Variants in PCDHGA4 observed in about 807,000 individuals in gnomAD.
PCDHGA4 encodes the protein protocadherin gamma subfamily A, 4, also known as protocadherin gamma-A4.
Under a neutral mutation model 54.6 loss-of-function variants are expected in PCDHGA4, and 38 were observed. That is an observed-to-expected ratio of 0.70 (90% confidence interval 0.54 to 0.91). The LOEUF (loss-of-function observed/expected upper bound fraction) is 0.91, where lower values mean the gene tolerates loss of function less well. PCDHGA4 is among the 40% of genes least tolerant of loss of function. The probability of loss-of-function intolerance (pLI) is 0.00; values close to 1 mark genes in which losing one functional copy is unlikely to be tolerated. For synonymous variants in PCDHGA4, 511 were observed against 512.9 expected (o/e 1.00, Z 0.05); for missense variants, 1,298 against 1,220.9 (o/e 1.06, Z -0.94).
In PCDHGA4 at chr5:141,476,240, G is replaced by A. The variant is rs762604058; in HGVS notation, c.2515-18567G>A. On this transcript the variant is annotated intron_variant, in intron 1 of 3. Coordinates refer to ENST00000571252, the MANE Select transcript of PCDHGA4 (RefSeq NM_018917.4). This position sits in a 1 kb window ranked among gnomAD's most constrained non-coding sequence, Gnocchi z 7.6. ...TCACTATGAGATCCCGGAGGAAAGAGAGAAGGGTTTCGCTGTGGGCAACGT... is the reference window on the plus strand; with the variant it reads ...TCACTATGAGATCCCGGAGGAAAGAAAGAAGGGTTTCGCTGTGGGCAACGT... The A allele has an allele frequency of 4.3e-6, 7 of 1,613,986 alleles. No individual in the cohort carries two copies. The highest frequency in any genetic ancestry group is 1.7e-6 in the Non-Finnish European group (2 of 1,180,030).
At chr5:141,358,140 A>G (rs1292442005) in intron 1 of PCDHGA4, among the ~76,000 whole-genome samples, 1 of 152,232 alleles carries the variant, frequency 6.6e-6, no homozygotes. Flanking sequence ...CAATGAGCTG[A>G]GATCATGACA....
At position 141,486,218 on chromosome 5, in the gene PCDHGA4, T is replaced by A. The variant is rs1467104398; in HGVS notation, c.2515-8589T>A. The A allele has an allele frequency of 2.5e-6, 4 of 1,614,004 alleles. No homozygotes were observed. The African/African-American group carries it at 5.3e-5, about 22-fold the overall frequency. On this transcript the variant is annotated intron_variant, in intron 1 of 3. Transcript: ENST00000571252. The surrounding 1 kb of genome is among the most constrained non-coding windows in gnomAD (Gnocchi z 5.0). ...GCTGGACGTAAATGACAATGCCCCT[T>A]ACATCACAGTGACCTCAGAGCTTGG...
chr5:141,394,432 C>T (rs1561648568), intron 1 of PCDHGA4: 2 of 1,614,238 alleles, frequency 1.2e-6, no homozygotes, highest in Admixed American at 1.7e-5. Flanking sequence ...AGCGGGGACC[C>T]GCCCCTCAGC....
At chr5:141,429,647 T>C (rs1430094173) in intron 1 of PCDHGA4, among the ~76,000 whole-genome samples, 2 of 152,272 alleles carry the variant, frequency 1.3e-5, no homozygotes, top group African/African-American at 4.8e-5. Flanking sequence ...TATATATTTC[T>C]TCCCAATTTA....
intron 1 of PCDHGA4, chr5:141,371,607 G>T (rs2149987986): frequency 6.2e-6 from 10 of 1,614,022 alleles, no homozygotes; most frequent in Admixed American, 1.7e-5. Context: ...ATACAGGTTG[G>T]TGACAGATGG....
intron 2 of PCDHGA4, 76 bp from the exon 3 acceptor site, chr5:141,505,317 G>T: frequency 6.2e-7 from 1 of 1,603,092 alleles, no homozygotes. Flanking sequence ...AGGTTTGGGA[G>T]CCCTGGGAGA....
intron 1 of PCDHGA4, chr5:141,405,433 T>G (rs539486666): frequency 2.0e-6 from 3 of 1,471,752 alleles, no homozygotes; most frequent in Admixed American, 3.9e-5. Flanking sequence ...TTTTGTTTTG[T>G]TTTTGAGACA....
intron 1 of PCDHGA4, chr5:141,404,970 C>G: frequency 6.2e-7 from 1 of 1,614,058 alleles, no homozygotes; most frequent in East Asian, 2.2e-5. Context: ...GACATCCTGG[C>G]TGACCTGGGC....
At chr5:141,365,909 G>A in intron 1 of PCDHGA4, 1 of 1,614,190 alleles carries the variant, frequency 6.2e-7, no homozygotes. Flanking sequence ...GCAGTTGAGA[G>A]ACCTACAGTT....
rs766885846 is a variant in PCDHGA4 at position 141,393,434 on chromosome 5, TCAC to T, written c.2514+35818_2514+35820del. The stretch of plus-strand genomic sequence containing the variant: ...CCCTGGACAGGGAGGAAGAGGCTGC[TCAC>T]CACCTGGTCCTCACGGCCTCGGATG... On this transcript the variant is annotated intron_variant, in intron 1 of 3. Coordinates refer to ENST00000571252, the MANE Select transcript of PCDHGA4 (RefSeq NM_018917.4). 11 of 1,613,902 alleles carry T rather than the reference TCAC, an allele frequency of 6.8e-6. No individual in the cohort carries two copies. The African/African-American group carries it at 1.2e-4, about 18-fold the overall frequency.
At chr5:141,435,050 C>A (rs2154556494) in intron 1 of PCDHGA4, among the ~76,000 whole-genome samples, 1 of 151,994 alleles carries the variant, frequency 6.6e-6, no homozygotes, top group East Asian at 1.9e-4. Flanking sequence ...TCCCATTGAC[C>A]ATGCAGCAGT....
At position 141,480,524 on chromosome 5, in the gene PCDHGA4, AAAG is replaced by A. The variant is rs1342230573; in HGVS notation, c.2515-14282_2515-14280del. Among the ~76,000 whole-genome samples, 4 of 127,792 alleles carry A rather than the reference AAAG, an allele frequency of 3.1e-5. No homozygotes were observed. The East Asian group carries it at 7.7e-4, about 25-fold the overall frequency. 83.8% of individuals were successfully genotyped at this position (127,792 alleles called of 152,430 possible). On this transcript the variant is annotated intron_variant, in intron 1 of 3. Transcript: ENST00000571252. Reference sequence around the variant, plus strand: ...ACATATGAGAACAACCAAAAATGACAAAGTAGAAGCACATATGAAAAGGCTAAG... The same window carrying A: ...ACATATGAGAACAACCAAAAATGACATAGAAGCACATATGAAAAGGCTAAG...
chr5:141,384,709 C>G, intron 1 of PCDHGA4: 2 of 1,614,124 alleles, frequency 1.2e-6, no homozygotes, highest in South Asian at 1.1e-5. Context: ...GAACGCCTGG[C>G]TGTCATACCT....
chr5:141,462,824 A>T (rs1561993844), intron 1 of PCDHGA4, among the ~76,000 whole-genome samples: 1 of 152,158 alleles, frequency 6.6e-6, no homozygotes, highest in Non-Finnish European at 1.5e-5. Flanking sequence ...TGGACAGCAG[A>T]CATTGTAAAT....
chr5:141,362,973 G>C (rs1762750308), intron 1 of PCDHGA4, among the ~76,000 whole-genome samples: 1 of 152,216 alleles, frequency 6.6e-6, no homozygotes, highest in Non-Finnish European at 1.5e-5. Flanking sequence ...AAAGAAGAAA[G>C]ACTTTTGCAT....
At chr5:141,371,024 G>C (rs1588679786) in intron 1 of PCDHGA4, 1 of 1,613,886 alleles carries the variant, frequency 6.2e-7, no homozygotes, top group African/African-American at 1.3e-5. Context: ...ATCACCACCT[G>C]GTCCTCACAG....
In PCDHGA4 at chr5:141,356,748, T is replaced by C. The variant is rs1178613411; in HGVS notation, c.1641T>C (p.Ala547=). Residue 547 remains alanine (A), a synonymous_variant, in exon 1 of 4, where the codon GCT becomes GCC. Transcript: ENST00000571252. ...SINSNTGILY[A]LCSFDYEQFR... is the part of the protein sequence containing the mutation. Reference sequence around the variant, plus strand: ...ACTCCAATACAGGGATCCTATATGCTCTTTGCTCCTTCGACTATGAGCAGT... The same window carrying C: ...ACTCCAATACAGGGATCCTATATGCCCTTTGCTCCTTCGACTATGAGCAGT... 3.1e-6 allele frequency: 5 copies of C among 1,613,836 alleles called. No individual in the cohort carries two copies. In the African/African-American group the frequency reaches 6.7e-5, roughly 22 times the overall value.
intron 3 of PCDHGA4, 43 bp downstream of exon 3, chr5:141,505,524 G>A: frequency 6.2e-7 from 1 of 1,612,712 alleles, no homozygotes; most frequent in Non-Finnish European, 8.5e-7. Context: ...GGAGACCTGG[G>A]GTTCTGGGGT....
rs1285653916 is a variant in PCDHGA4, at chr5:141,388,617, G to A, written c.2514+30996G>A. ...TGATAATGCTCCAGTGTTCAGTCAA[G>A]ACGTATACAGGGTGAGCCTTTCAGA... is the stretch of plus-strand genomic sequence containing the variant. On this transcript the variant is annotated intron_variant, in intron 1 of 3. Coordinates refer to ENST00000571252, the MANE Select transcript of PCDHGA4 (RefSeq NM_018917.4). The A allele has an allele frequency of 3.1e-6, 5 of 1,613,920 alleles. No individual in the cohort carries two copies. The South Asian group carries it at 5.5e-5, about 18-fold the overall frequency.
Sources: gnomAD v4.1 joint callset for allele counts (sites outside exome capture counted in the v4.1 genomes callset) on GRCh38, gnomAD v4.1.1 for gene constraint, Gnocchi (gnomAD v3.1) non-coding constraint, MANE v1.5 for transcripts, NCBI Gene and HGNC (gene_info 2026-07-23, HGNC 2026-07-21) for gene names.